The following CRELD2 variants were observed in gnomAD, a reference collection of about 807,000 sequenced individuals.
CRELD2 encodes CRELD disulfide isomerase 2.
In CRELD2, 33 loss-of-function variants were observed where a neutral mutation model predicts 48.1. The ratio of observed to expected loss-of-function variants is 0.69; its 90% CI spans 0.52 to 0.92. CRELD2 has a LOEUF of 0.92. CRELD2 is among the 40% of genes least tolerant of loss of function. CRELD2 has a pLI of 0.00. For missense variants in CRELD2, 477 were observed against 482.4 expected, an observed-to-expected ratio of 0.99 and a Z score of 0.10; for synonymous variants, 220 against 203.9, an observed-to-expected ratio of 1.08 and a Z score of -0.67.
At chr22:49,919,137 G>T in intron 1 of CRELD2, 93 bp from the exon 2 acceptor site, 1 of 1,313,356 alleles carries the variant, frequency 7.6e-7, no homozygotes, top group Non-Finnish European at 1.1e-6. Context: ...CGCCACCGTG[G>T]GCCTGGAGTC....
chr22:49,925,260 C>A lies in CRELD2; in HGVS notation c.869-157C>A, dbSNP rs537657099. 13 of 572,466 alleles carry A rather than the reference C, an allele frequency of 2.3e-5. No homozygotes were observed. The East Asian group carries it at 3.6e-4, about 16-fold the overall frequency. 35.5% of individuals were successfully genotyped at this position (572,466 alleles called of 1,614,324 possible). ...CAACTTGGAGACGTGAAATTCTTCC[C>A]TCTCGAAGCCTTTCCTGATCTTTGC... is the stretch of plus-strand genomic sequence containing the variant. On this transcript the variant is annotated intron_variant, in intron 8 of 9. Transcript: ENST00000328268.
Position 49,920,570 on chromosome 22 carries a change from G to A in CRELD2, c.415+323G>A, listed in dbSNP as rs184965755. On this transcript the variant is annotated intron_variant, in intron 4 of 9. Transcript: ENST00000328268. ...CCTGAGAGTCTGTCCTGACTGACCT[G>A]TCCAGGTGCTTCTCCCTGTGTGCAC... 7.7e-4 allele frequency among the ~76,000 whole-genome samples: 118 copies of A among 152,330 alleles called. 1 individual carries two copies. Among genetic ancestry groups the A allele is most frequent in the African/African-American group, 2.7e-3 (114 of 41,576 alleles).
In CRELD2 at chr22:49,927,389, A is replaced by G. The variant is rs2060780065; in HGVS notation, c.*82A>G. The G allele has an allele frequency of 1.7e-6, 2 of 1,167,012 alleles. No individual in the cohort carries two copies. Among genetic ancestry groups the G allele is most frequent in the Non-Finnish European group, 2.6e-6 (2 of 775,092 alleles). 72.3% of individuals were successfully genotyped at this position (1,167,012 alleles called of 1,614,324 possible). On this transcript the variant is annotated 3_prime_UTR_variant, in exon 10 of 10. Coordinates refer to ENST00000328268, the MANE Select transcript of CRELD2 (RefSeq NM_024324.5). ...CTGAGGATGCCGTCTCCTGCAGTGG[A>G]CAGCGGCGGGGAGAGGCTGCCTGCT...
At chr22:49,919,091 G>A in intron 1 of CRELD2, 139 bp from the exon 2 acceptor site, 8 of 965,250 alleles carry the variant, frequency 8.3e-6, no homozygotes, top group Non-Finnish European at 1.3e-5. Flanking sequence ...CCTCACCCTT[G>A]ACCCGGATCC....
chr22:49,925,625 G>C, intron 9 of CRELD2, 68 bp downstream of exon 9: 3 of 1,597,484 alleles, frequency 1.9e-6, no homozygotes, highest in Non-Finnish European at 2.6e-6. Flanking sequence ...ACGTAGACTG[G>C]CTGCTTGGTC....
At chr22:49,925,703 T>C (rs9627800) in intron 9 of CRELD2, 146 bp downstream of exon 9, 308,917 of 1,473,070 alleles carry the variant, frequency 0.21, 36,830 homozygotes, top group African/African-American at 0.49. Flanking sequence ...GTGCATGACA[T>C]CTCTGTGTGG....
chr22:49,918,659 G>C lies in CRELD2; in HGVS notation c.-111G>C. The C allele has an allele frequency of 2.6e-6, 1 of 380,544 alleles. No homozygotes were observed. Among genetic ancestry groups the C allele is most frequent in the East Asian group, 4.2e-5 (1 of 23,648 alleles). The allele number at this position is 380,544 out of a possible 1,614,324, so 23.6% of individuals were successfully genotyped here. ...GGGGCCTCGCCGGCGCCGTCAAGTAGCCTGGGGGACAGGCCGGCGCGGCTG... is the reference window on the plus strand; with the variant it reads ...GGGGCCTCGCCGGCGCCGTCAAGTACCCTGGGGGACAGGCCGGCGCGGCTG... On this transcript the variant is annotated 5_prime_UTR_variant, in exon 1 of 10. Transcript: ENST00000328268.
chr22:49,925,609 G>C, intron 9 of CRELD2, 52 bp downstream of exon 9: 1 of 1,606,692 alleles, frequency 6.2e-7, no homozygotes, highest in South Asian at 1.1e-5. Context: ...GGGCCGCAGG[G>C]CTTGCACGTA....
rs1601840705 is a variant in CRELD2 at position 49,921,619 on chromosome 22, G to A, written c.450G>A (p.Gly150=). The A allele has an allele frequency of 1.2e-6, 2 of 1,612,834 alleles. No individual in the cohort carries two copies. Among genetic ancestry groups the A allele is most frequent in the South Asian group, 2.2e-5 (2 of 91,074 alleles). The change falls in exon 5 of 10, where the codon GGG becomes GGA. Residue 150 remains glycine, a synonymous_variant. Transcript: ENST00000328268. The part of the protein sequence containing the change: ...CQGGSQRPCS[G]NGHCSGDGSR... ...GCGGATCCCAGAGGCCCTGCAGCGG[G>A]AATGGCCACTGCAGCGGAGATGGGA...
chr22:49,923,728 G>C (rs533369896), intron 7 of CRELD2: 1 of 328,466 alleles, frequency 3.0e-6, no homozygotes, highest in East Asian at 8.3e-5. Context: ...AACAATGTCT[G>C]TTGCTGGACG....
chr22:49,924,506 A>G (rs373669453), intron 8 of CRELD2, 51 bp downstream of exon 8: 56 of 1,318,044 alleles, frequency 4.2e-5, no homozygotes, highest in African/African-American at 2.9e-5. Context: ...CCAAGTGACC[A>G]TGATGTGAAT....
chr22:49,921,439 T>G, intron 4 of CRELD2, 146 bp from the exon 5 acceptor site: 1 of 839,632 alleles, frequency 1.2e-6, no homozygotes, highest in South Asian at 1.9e-5. Context: ...GGAAATCAGT[T>G]TCCCCAAACA....
At chr22:49,922,897 A>AG (rs2060714194) in intron 6 of CRELD2, among the ~76,000 whole-genome samples, 190 bp downstream of exon 6, 8 of 14,742 alleles carry the variant, frequency 5.4e-4, no homozygotes, top group South Asian at 2.9e-3. Flanking sequence ...GGGGAGCATG[A>AG]GGTGGGGCGT....
intron 4 of CRELD2, 55 bp downstream of exon 4, chr22:49,920,302 C>G (rs1045432018): frequency 2.0e-5 from 25 of 1,272,492 alleles, no homozygotes; most frequent in Non-Finnish European, 2.8e-5. Flanking sequence ...CTCTTCTTCT[C>G]ATGATTCTTG....
chr22:49,922,402 C>A lies in CRELD2; in HGVS notation c.593-210C>A, dbSNP rs759695609. 3.1e-6 allele frequency: 5 copies of A among 1,609,242 alleles called. No homozygotes were observed. In the Admixed American group the frequency reaches 8.4e-5, roughly 27 times the overall value. On this transcript the variant is annotated intron_variant, in intron 5 of 9. Coordinates refer to ENST00000328268, the MANE Select transcript of CRELD2 (RefSeq NM_024324.5). ...CGTGGCCGGAACACGCACACCCAGC[C>A]AGGCTACAGCTCCAGAGTATGGATA...
intron 6 of CRELD2, among the ~76,000 whole-genome samples, 157 bp downstream of exon 6, chr22:49,922,864 G>GA (rs2060711919): frequency 1.3e-5 from 1 of 78,002 alleles, no homozygotes; most frequent in Admixed American, 1.1e-4. Context: ...GTGGGGCTTG[G>GA]GGTGTGGGGG....
chr22:49,919,661 T>G, intron 2 of CRELD2, 69 bp from the exon 3 acceptor site: 7 of 1,176,666 alleles, frequency 5.9e-6, no homozygotes, highest in Non-Finnish European at 8.5e-6. Flanking sequence ...CAGGTTGGCG[T>G]ATTGGTTCGG....
At chr22:49,925,584 A>C (rs777522816) in intron 9 of CRELD2, 27 bp downstream of exon 9, 25 of 1,611,950 alleles carry the variant, frequency 1.6e-5, no homozygotes, top group Admixed American at 3.3e-5. Context: ...CCCTCCACAC[A>C]GGCTGCCCTC....
At chr22:49,922,574 G>T in intron 5 of CRELD2, 38 bp from the exon 6 acceptor site, 1 of 1,504,038 alleles carries the variant, frequency 6.6e-7, no homozygotes. Flanking sequence ...TGGTACCTGA[G>T]AGTGGGGTTT....
Sources: gnomAD v4.1 joint callset for allele counts (sites outside exome capture counted in the v4.1 genomes callset) on GRCh38, gnomAD v4.1.1 for gene constraint, MANE v1.5 for transcripts, NCBI Gene and HGNC (gene_info 2026-07-23, HGNC 2026-07-21) for gene names.